The following TESMIN variants were observed in gnomAD, a reference collection of about 807,000 sequenced individuals.
TESMIN encodes testis expressed metallothionein like protein, also known as CXC domain containing 2.
In TESMIN, 34 loss-of-function variants were observed where a neutral mutation model predicts 47.4. The observed-to-expected ratio is 0.72, with a 90% CI of 0.55 to 0.96. TESMIN has a LOEUF of 0.96. TESMIN is among the 40% of genes least tolerant of loss of function. The probability of loss-of-function intolerance (pLI) is 0.00; values close to 1 mark genes in which losing one functional copy is unlikely to be tolerated. For synonymous variants in TESMIN, 278 were observed against 258.9 expected (o/e 1.07, Z -0.71); for missense variants, 610 against 637.2 (o/e 0.96, Z 0.46).
chr11:68,739,316 ATCTT>A (rs1462273975), intron 5 of TESMIN, among the ~76,000 whole-genome samples: 7 of 152,168 alleles, frequency 4.6e-5, no homozygotes, highest in Non-Finnish European at 1.0e-4. Context: ...CCCAGGTCTC[ATCTT>A]TCTTTATGTT....
At position 68,745,100 on chromosome 11, in the gene TESMIN, T is replaced by C. The variant is rs146894157; in HGVS notation, c.642A>G (p.Gln214=). The C allele has an allele frequency of 7.0e-6, 11 of 1,578,298 alleles. No individual in the cohort carries two copies. Among genetic ancestry groups the C allele is most frequent in the African/African-American group, 4.1e-5 (3 of 72,460 alleles). The change falls in exon 4 of 10, where the codon CAA becomes CAG. Residue 214 remains glutamine, a synonymous_variant. Coordinates refer to ENST00000255087, the MANE Select transcript of TESMIN (RefSeq NM_004923.3). ...ATAGCATTTGTGTGCCCCCTTTCAATTGGCATATCACCTAAAATGAAAAAG... is the reference window on the plus strand; with the variant it reads ...ATAGCATTTGTGTGCCCCCTTTCAACTGGCATATCACCTAAAATGAAAAAG... ...KKDSNPMVIC[Q]LKGGTQMLCI...
chr11:68,715,808 A>G, intron 7 of TESMIN, 29 bp downstream of exon 7: 1 of 1,452,562 alleles, frequency 6.9e-7, no homozygotes, highest in Non-Finnish European at 9.6e-7. Flanking sequence ...ATGCTTTTAA[A>G]ATGCATACAT....
intron 7 of TESMIN, among the ~76,000 whole-genome samples, chr11:68,715,017 G>T (rs1434605546): frequency 6.6e-6 from 1 of 152,118 alleles, no homozygotes; most frequent in Non-Finnish European, 1.5e-5. Flanking sequence ...TATCAAAATT[G>T]GTTAGATATT....
At chr11:68,742,532 T>C (rs1946469624) in intron 4 of TESMIN, 138 bp from the exon 5 acceptor site, 2 of 544,100 alleles carry the variant, frequency 3.7e-6, no homozygotes, top group South Asian at 2.8e-5. Flanking sequence ...TAGTTACGCA[T>C]TTTATTCTCT....
At chr11:68,711,707 G>C (rs1205408621) in intron 8 of TESMIN, among the ~76,000 whole-genome samples, 3 of 152,216 alleles carry the variant, frequency 2.0e-5, no homozygotes, top group Non-Finnish European at 4.4e-5. Context: ...TATGGGTGCA[G>C]AGAATGTACA....
intron 9 of TESMIN, among the ~76,000 whole-genome samples, chr11:68,708,802 G>C (rs1238107166): frequency 2.6e-5 from 4 of 151,620 alleles, no homozygotes; most frequent in Non-Finnish European, 5.9e-5. Context: ...TGCCAGGCTG[G>C]AGTGCAATGG....
chr11:68,710,850 C>T (rs1946055093), intron 9 of TESMIN, 24 bp downstream of exon 9: 1 of 1,584,722 alleles, frequency 6.3e-7, no homozygotes, highest in East Asian at 2.2e-5. Flanking sequence ...CCTCTATTAG[C>T]AGAGGTTAGT....
chr11:68,741,872 A>C (rs1259897130), intron 5 of TESMIN, among the ~76,000 whole-genome samples: 3 of 152,260 alleles, frequency 2.0e-5, no homozygotes, highest in African/African-American at 7.2e-5. Flanking sequence ...GTGACACTTC[A>C]TACCAAAACT....
chr11:68,705,614 GA>G (rs1439236562), downstream of TESMIN, among the ~76,000 whole-genome samples: 6 of 152,126 alleles, frequency 3.9e-5, no homozygotes, highest in Admixed American at 3.9e-4. Flanking sequence ...CCGTGTCTAT[GA>G]AAAAACAAGG....
chr11:68,707,698 C>T lies in TESMIN; in HGVS notation c.*610G>A, dbSNP rs907105039. The T allele has an allele frequency of 2.0e-5, 8 of 395,920 alleles. No homozygotes were observed. Among genetic ancestry groups the T allele is most frequent in the South Asian group, 8.7e-5 (5 of 57,410 alleles). The allele number at this position is 395,920 out of a possible 1,614,324, so 24.5% of individuals were successfully genotyped here. On this transcript the variant is annotated 3_prime_UTR_variant, in exon 10 of 10. Transcript: ENST00000255087. ...GACATGCTGGTGCAAGCCTGGCCTG[C>T]GAGGCCCCATTGCCTGCGTCTCCCG...
intron 8 of TESMIN, among the ~76,000 whole-genome samples, chr11:68,711,413 CTGTG>C (rs1251279728): frequency 1.1e-4 from 16 of 143,116 alleles, no homozygotes; most frequent in East Asian, 2.1e-4. Context: ...GTGTGTGTGA[CTGTG>C]TGTGTTTGAA....
At chr11:68,710,506 C>T (rs1429789839) in intron 9 of TESMIN, 10 of 194,856 alleles carry the variant, frequency 5.1e-5, no homozygotes, top group Non-Finnish European at 1.0e-4. Context: ...TAGGGAGGTA[C>T]GCACTGTCTT....
chr11:68,746,455 G>C (rs945207102), intron 3 of TESMIN, among the ~76,000 whole-genome samples: 1 of 152,176 alleles, frequency 6.6e-6, no homozygotes, highest in Non-Finnish European at 1.5e-5. Context: ...CTCATGACAG[G>C]CTCATTTTCA....
At chr11:68,734,843 C>T (rs747713329) in intron 6 of TESMIN, among the ~76,000 whole-genome samples, 23 of 152,224 alleles carry the variant, frequency 1.5e-4, no homozygotes, top group South Asian at 4.1e-4. Flanking sequence ...AGCGCCCGCA[C>T]GCTCAGCAGT....
At chr11:68,734,373 A>C (rs1372560645) in intron 6 of TESMIN, among the ~76,000 whole-genome samples, 1 of 152,250 alleles carries the variant, frequency 6.6e-6, no homozygotes, top group Non-Finnish European at 1.5e-5. Context: ...GCAGCTGCAC[A>C]TTAAACCATC....
chr11:68,716,339 A>G (rs1246260181), intron 6 of TESMIN, among the ~76,000 whole-genome samples: 2 of 152,200 alleles, frequency 1.3e-5, no homozygotes, highest in Non-Finnish European at 2.9e-5. Flanking sequence ...TCCATCCAAC[A>G]TGACTGAAGG....
At chr11:68,706,641 A>ATTT, downstream of TESMIN, among the ~76,000 whole-genome samples, 1 of 152,158 alleles carries the variant, frequency 6.6e-6, no homozygotes, top group Non-Finnish European at 1.5e-5. Flanking sequence ...AGTACAAGAC[A>ATTT]CCCTGCATTT....
intron 5 of TESMIN, among the ~76,000 whole-genome samples, chr11:68,741,920 A>G (rs1946462011): frequency 6.6e-6 from 1 of 152,268 alleles, no homozygotes; most frequent in Non-Finnish European, 1.5e-5. Flanking sequence ...CTTTTATGTA[A>G]TATACACATA....
chr11:68,712,283 G>A (rs188291949), intron 8 of TESMIN, among the ~76,000 whole-genome samples: 6 of 152,318 alleles, frequency 3.9e-5, no homozygotes, highest in East Asian at 3.9e-4. Context: ...GTGGTTCCTC[G>A]GGGGTGATGT....
Sources: allele counts gnomAD v4.1 joint callset (sites outside exome capture counted in the v4.1 genomes callset), GRCh38; gene constraint gnomAD v4.1.1; transcripts MANE v1.5; gene names NCBI Gene and HGNC (gene_info 2026-07-23, HGNC 2026-07-21).